PHF24: variants seen among roughly 807,000 people sequenced by gnomAD.
The protein encoded by PHF24 is PHD finger protein 24.
In PHF24, 25 loss-of-function variants were observed where a neutral mutation model predicts 42.6. The observed-to-expected ratio is 0.59, with a 90% CI of 0.43 to 0.82. The LOEUF (loss-of-function observed/expected upper bound fraction) is 0.82. Among genes scored for constraint, PHF24 ranks in the 40% least tolerant of loss-of-function variants. The pLI is 0.00. For synonymous variants in PHF24, 185 were observed against 204.8 expected, an observed-to-expected ratio of 0.90 and a Z score of 0.83; for missense variants, 470 against 538.1, an observed-to-expected ratio of 0.87 and a Z score of 1.25.
At chr9:34,784,765 A>G in the PHF24 span, among the ~76,000 whole-genome samples, 1 of 152,188 alleles carries the variant, frequency 6.6e-6, no homozygotes, top group Non-Finnish European at 1.5e-5. Context: ...CTTGTAAGAC[A>G]TATGTTTTCT....
the PHF24 span, among the ~76,000 whole-genome samples, chr9:34,680,481 G>A: frequency 1.3e-5 from 2 of 151,882 alleles, no homozygotes; most frequent in Middle Eastern, 3.4e-3. Flanking sequence ...GAGGTCAGGA[G>A]ATCGAGACCA....
chr9:34,838,307 C>T, the PHF24 span: 1 of 726,438 alleles, frequency 1.4e-6, no homozygotes, highest in East Asian at 2.7e-5. Context: ...AGCATATTAT[C>T]TGAGGCTTAA....
At chr9:34,879,972 G>A in the PHF24 span, among the ~76,000 whole-genome samples, 1 of 152,200 alleles carries the variant, frequency 6.6e-6, no homozygotes, top group African/African-American at 2.4e-5. Flanking sequence ...TACCCACAAA[G>A]GGAAGCCCAT....
chr9:34,763,373 T>C, the PHF24 span, among the ~76,000 whole-genome samples: 1 of 152,226 alleles, frequency 6.6e-6, no homozygotes, highest in South Asian at 2.1e-4. Flanking sequence ...TTTTATTTCA[T>C]TGAGCAGTGG....
At chr9:34,715,485 G>A in the PHF24 span, among the ~76,000 whole-genome samples, 1 of 152,178 alleles carries the variant, frequency 6.6e-6, no homozygotes, top group East Asian at 1.9e-4. Context: ...GACCAGGCTG[G>A]ATGCAGAGCT....
chr9:34,748,673 A>ATG, the PHF24 span, among the ~76,000 whole-genome samples: 2 of 152,186 alleles, frequency 1.3e-5, no homozygotes, highest in African/African-American at 4.8e-5. Flanking sequence ...GTGATCAAAA[A>ATG]CATAGTATCA....
At chr9:34,668,509 A>G in the PHF24 span, among the ~76,000 whole-genome samples, 1 of 152,230 alleles carries the variant, frequency 6.6e-6, no homozygotes, top group African/African-American at 2.4e-5. Flanking sequence ...GGGCACACCC[A>G]TTTGGCATAT....
chr9:34,887,234 G>A, the PHF24 span, among the ~76,000 whole-genome samples: 5 of 152,002 alleles, frequency 3.3e-5, no homozygotes, highest in African/African-American at 7.2e-5. Flanking sequence ...TATAATTACC[G>A]GAGTAACCTT....
At chr9:34,723,002 C>T in the PHF24 span, 1 of 568,110 alleles carries the variant, frequency 1.8e-6, no homozygotes, top group Admixed American at 3.3e-5. Flanking sequence ...GCCTCCCTCA[C>T]ACCTTCCCTT....
the PHF24 span, among the ~76,000 whole-genome samples, chr9:34,813,744 T>A: frequency 1.3e-5 from 2 of 152,186 alleles, no homozygotes; most frequent in Non-Finnish European, 2.9e-5. Flanking sequence ...AATGTCTTCA[T>A]GGGAGTGACT....
chr9:34,898,812 C>T, the PHF24 span, among the ~76,000 whole-genome samples: 1 of 152,230 alleles, frequency 6.6e-6, no homozygotes, highest in Non-Finnish European at 1.5e-5. Context: ...AGTCCTGCAC[C>T]TGCTTCTGCC....
the PHF24 span, among the ~76,000 whole-genome samples, chr9:34,844,531 T>A: frequency 6.6e-6 from 1 of 152,226 alleles, no homozygotes; most frequent in South Asian, 2.1e-4. Flanking sequence ...CCTTGTGATT[T>A]ATTTGATCCA....
At chr9:34,914,283 G>A in the PHF24 span, among the ~76,000 whole-genome samples, 1 of 152,168 alleles carries the variant, frequency 6.6e-6, no homozygotes. Flanking sequence ...AGTCTCAACA[G>A]GATATAGGTA....
the PHF24 span, among the ~76,000 whole-genome samples, chr9:34,947,248 G>T: frequency 6.6e-6 from 1 of 152,182 alleles, no homozygotes; most frequent in Non-Finnish European, 1.5e-5. Flanking sequence ...CTGCATAAAT[G>T]ATGTTTTGGT....
the PHF24 span, among the ~76,000 whole-genome samples, chr9:34,925,784 A>G: frequency 2.6e-5 from 4 of 152,022 alleles, no homozygotes; most frequent in African/African-American, 7.2e-5. Flanking sequence ...AATTTCATCT[A>G]CTTCCTCAAG....
the PHF24 span, among the ~76,000 whole-genome samples, chr9:34,937,092 G>A: frequency 2.7e-5 from 4 of 150,028 alleles, no homozygotes; most frequent in African/African-American, 7.3e-5. Context: ...TGCCCCGGCC[G>A]CCCCTACTGG....
At chr9:34,771,951 A>G in the PHF24 span, among the ~76,000 whole-genome samples, 358 of 152,344 alleles carry the variant, frequency 2.3e-3, no homozygotes, top group African/African-American at 8.3e-3. Context: ...TTTAAGATTA[A>G]AAGCTGTGTT....
chr9:34,760,532 G>T, the PHF24 span, among the ~76,000 whole-genome samples: 3 of 152,222 alleles, frequency 2.0e-5, no homozygotes, highest in African/African-American at 7.2e-5. Flanking sequence ...CAAGAAGTTG[G>T]GCAGGAAGCC....
chr9:34,705,744 G>A, the PHF24 span, among the ~76,000 whole-genome samples: 7 of 151,956 alleles, frequency 4.6e-5, no homozygotes, highest in South Asian at 2.1e-4. Flanking sequence ...AATGATTTAC[G>A]TTTTATGGTT....
Sources: gnomAD v4.1 joint callset for allele counts (sites outside exome capture counted in the v4.1 genomes callset) on GRCh38, gnomAD v4.1.1 for gene constraint, MANE v1.5 for transcripts, NCBI Gene and HGNC (gene_info 2026-07-23, HGNC 2026-07-21) for gene names.